SMOC2: variants seen among roughly 807,000 people sequenced by gnomAD.
SMOC2 encodes SPARC-related modular calcium-binding protein 2.
A neutral mutation model predicts 61.4 loss-of-function variants in SMOC2; 39 were observed. The observed-to-expected ratio is 0.64, with a 90% CI of 0.49 to 0.83. SMOC2 has a LOEUF of 0.83. Among genes scored for constraint, SMOC2 ranks in the 40% least tolerant of loss-of-function variants. SMOC2 has a pLI of 0.00. For missense variants in SMOC2, 556 were observed against 592.9 expected (o/e 0.94, Z 0.65); for synonymous variants, 247 against 239.9 (o/e 1.03, Z -0.27).
intron 9 of SMOC2, among the ~76,000 whole-genome samples, chr6:168,630,051 G>A (rs746914916): frequency 3.3e-5 from 5 of 152,150 alleles, no homozygotes; most frequent in Non-Finnish European, 5.9e-5. Context: ...TGCCTGTCCT[G>A]TCGTGGGGCA....
chr6:168,535,324 T>G lies in SMOC2; in HGVS notation c.463+7597T>G, dbSNP rs1194691412. ...AGTATATTATTTTTTCTTCTAATTA[T>G]TTTTTGGACAAATGCTAATTATTTT... On this transcript the variant is annotated intron_variant, in intron 4 of 12. Coordinates refer to ENST00000356284, the MANE Select transcript of SMOC2 (RefSeq NM_001166412.2). The surrounding 1 kb of genome is among the most constrained non-coding windows in gnomAD (Gnocchi z 4.6). Among the ~76,000 whole-genome samples the G allele has an allele frequency of 6.6e-6, 1 of 152,158 alleles. No homozygotes were observed. The highest frequency in any genetic ancestry group is 2.4e-5 in the African/African-American group (1 of 41,442).
rs1783895456 is a variant in SMOC2, at chr6:168,542,553, A to AC, written c.464-1072_464-1071insC. 7.9e-5 allele frequency among the ~76,000 whole-genome samples: 12 copies of AC among 152,280 alleles called. No individual in the cohort carries two copies. The South Asian group carries it at 2.5e-3, about 32-fold the overall frequency. On this transcript the variant is annotated intron_variant, in intron 4 of 12. Transcript: ENST00000356284. ...AGCTTTCTGAAGTCAGCATTGTCTGATGAGTACCTGTTACAGAGGAGGGTT... is the reference window on the plus strand; with the variant it reads ...AGCTTTCTGAAGTCAGCATTGTCTGACTGAGTACCTGTTACAGAGGAGGGTT...
rs370160406 is a variant in SMOC2, at chr6:168,527,617, C to T, written c.364-11C>T. On this transcript the variant is annotated splice_polypyrimidine_tract_variant and intron_variant, in intron 3 of 12. Coordinates refer to ENST00000356284, the MANE Select transcript of SMOC2 (RefSeq NM_001166412.2). Reference sequence around the variant, plus strand: ...CCCGGGAGGGCTTACCCGTCCTGTGCTCTCTCGCAGGTCCAGTGTCACAGC... The same window carrying T: ...CCCGGGAGGGCTTACCCGTCCTGTGTTCTCTCGCAGGTCCAGTGTCACAGC... 289 of 1,546,010 alleles carry T rather than the reference C, an allele frequency of 1.9e-4. 1 individual carries two copies. In the African/African-American group the frequency reaches 3.0e-3, roughly 16 times the overall value.
intron 7 of SMOC2, among the ~76,000 whole-genome samples, chr6:168,578,583 T>C (rs542257616): frequency 2.6e-5 from 4 of 152,210 alleles, no homozygotes; most frequent in Non-Finnish European, 5.9e-5. Context: ...CAGGGCTTCA[T>C]GTACAGCAAC....
At position 168,553,174 on chromosome 6, in the gene SMOC2, T is replaced by C. The variant is rs1050257761; in HGVS notation, c.637+3971T>C. ...ATAAATATATAAGTCAAACATTCTC[T>C]TGGCTCATTTAGTAAGAAAATCATC... On this transcript the variant is annotated intron_variant, in intron 7 of 12. Coordinates refer to ENST00000356284, the MANE Select transcript of SMOC2 (RefSeq NM_001166412.2). This position sits in a 1 kb window ranked among gnomAD's most constrained non-coding sequence, Gnocchi z 4.2. 1.3e-5 allele frequency among the ~76,000 whole-genome samples: 2 copies of C among 152,224 alleles called. No individual in the cohort carries two copies. Among genetic ancestry groups the C allele is most frequent in the African/African-American group, 4.8e-5 (2 of 41,456 alleles).
chr6:168,608,775 G>A (rs1785778087), intron 9 of SMOC2, among the ~76,000 whole-genome samples: 1 of 152,162 alleles, frequency 6.6e-6, no homozygotes, highest in Non-Finnish European at 1.5e-5. Flanking sequence ...AGACGTCATG[G>A]GGTGAATTTG....
chr6:168,542,464 G>A (rs1187275420), intron 4 of SMOC2, among the ~76,000 whole-genome samples: 1 of 152,198 alleles, frequency 6.6e-6, no homozygotes, highest in South Asian at 2.1e-4. Flanking sequence ...ATATTATTTA[G>A]TTATTTTTAG....
chr6:168,463,627 G>T (rs1355106603), intron 1 of SMOC2, among the ~76,000 whole-genome samples: 1 of 152,112 alleles, frequency 6.6e-6, no homozygotes, highest in African/African-American at 2.4e-5. Flanking sequence ...GAAGAGTAAG[G>T]TGCGGCTGGG....
At chr6:168,601,449 C>T (rs575424000) in intron 8 of SMOC2, among the ~76,000 whole-genome samples, 5 of 152,330 alleles carry the variant, frequency 3.3e-5, no homozygotes, top group South Asian at 2.1e-4. Flanking sequence ...CCGTGTGCTC[C>T]GCAGGGCTTG....
chr6:168,628,981 G>T (rs1786493274), intron 9 of SMOC2, among the ~76,000 whole-genome samples: 1 of 152,258 alleles, frequency 6.6e-6, no homozygotes, highest in Non-Finnish European at 1.5e-5. Context: ...CTGCGCAGGG[G>T]TTCCACCCTC....
At chr6:168,484,471 G>A (rs1782284046) in intron 1 of SMOC2, among the ~76,000 whole-genome samples, 1 of 152,140 alleles carries the variant, frequency 6.6e-6, no homozygotes, top group Non-Finnish European at 1.5e-5. Context: ...GGAGAAATTG[G>A]AACGTTTGTG....
rs150387770 is a variant in SMOC2, at chr6:168,492,683, C to T, written c.85-17232C>T. Among the ~76,000 whole-genome samples, 24 of 152,312 alleles carry T rather than the reference C, an allele frequency of 1.6e-4. No homozygotes were observed. In the East Asian group the frequency reaches 1.7e-3, roughly 11 times the overall value. On this transcript the variant is annotated intron_variant, in intron 1 of 12. Transcript: ENST00000356284. ...TTCAGTCTCAAGATGACGTGACCTA[C>T]GAGGTTGATGACATTTTAGAGAGAG...
intron 4 of SMOC2, among the ~76,000 whole-genome samples, chr6:168,543,135 G>T (rs555758151): frequency 2.0e-5 from 3 of 152,214 alleles, no homozygotes; most frequent in Admixed American, 1.3e-4. Context: ...TTTAAACTTG[G>T]TCACACATTA....
chr6:168,617,460 T>G (rs1406778567), intron 9 of SMOC2, among the ~76,000 whole-genome samples: 1 of 152,150 alleles, frequency 6.6e-6, no homozygotes, highest in Non-Finnish European at 1.5e-5. Context: ...TCGTGGACTC[T>G]GAAGACGGGG....
chr6:168,530,641 C>T (rs1031779748), intron 4 of SMOC2, among the ~76,000 whole-genome samples: 1 of 124,900 alleles, frequency 8.0e-6, no homozygotes, highest in African/African-American at 2.9e-5. Flanking sequence ...GGTGCAACCC[C>T]CCCCCCCCCG....
At chr6:168,521,554 G>A (rs1028059702) in intron 2 of SMOC2, among the ~76,000 whole-genome samples, 2 of 152,162 alleles carry the variant, frequency 1.3e-5, no homozygotes, top group Non-Finnish European at 2.9e-5. Context: ...GAAATAAATT[G>A]CTTGCACAAT....
chr6:168,532,175 T>G (rs1035275134), intron 4 of SMOC2, among the ~76,000 whole-genome samples: 1 of 152,084 alleles, frequency 6.6e-6, no homozygotes, highest in Non-Finnish European at 1.5e-5. Flanking sequence ...AGTTTAGAGA[T>G]GTATGCACTC....
At chr6:168,466,649 G>C (rs755286821) in intron 1 of SMOC2, among the ~76,000 whole-genome samples, 2 of 152,218 alleles carry the variant, frequency 1.3e-5, no homozygotes, top group Non-Finnish European at 2.9e-5. Flanking sequence ...TTGTGCATGC[G>C]CTTTGTCTGG....
intron 9 of SMOC2, among the ~76,000 whole-genome samples, chr6:168,611,205 TCCCG>T (rs1238966710): frequency 6.8e-6 from 1 of 147,186 alleles, no homozygotes; most frequent in African/African-American, 2.5e-5. Context: ...CCTATGTGGC[TCCCG>T]TGTCGGGCCT....
Sources: gnomAD v4.1 joint callset for allele counts (sites outside exome capture counted in the v4.1 genomes callset) on GRCh38, gnomAD v4.1.1 for gene constraint, Gnocchi (gnomAD v3.1) non-coding constraint, MANE v1.5 for transcripts, NCBI Gene and HGNC (gene_info 2026-07-23, HGNC 2026-07-21) for gene names.